SGCZ: variants seen among roughly 807,000 people sequenced by gnomAD.
SGCZ encodes sarcoglycan zeta.
In SGCZ, 40 loss-of-function variants were observed where a neutral mutation model predicts 41.3. The observed-to-expected ratio is 0.97, with a 90% CI of 0.75 to 1.26. The LOEUF is 1.26. Ranked by LOEUF, SGCZ falls within the 50% of genes most tolerant of loss-of-function variation. SGCZ has a pLI of 0.00. For synonymous variants in SGCZ, 206 were observed against 137.5 expected (o/e 1.50, Z -3.49); for missense variants, 552 against 369.8 (o/e 1.49, Z -4.04).
At chr8:15,031,805 A>T (rs1255266904) in intron 1 of SGCZ, among the ~76,000 whole-genome samples, 1 of 152,166 alleles carries the variant, frequency 6.6e-6, no homozygotes, top group Admixed American at 6.5e-5. Context: ...ACATGAGGAC[A>T]TAGCAGCTTC....
intron 1 of SGCZ, among the ~76,000 whole-genome samples, chr8:14,688,600 T>C (rs895133611): frequency 1.3e-5 from 2 of 152,188 alleles, no homozygotes; most frequent in African/African-American, 4.8e-5. Context: ...TACTGTAGCC[T>C]TGTAGTATAG....
intron 1 of SGCZ, among the ~76,000 whole-genome samples, chr8:14,915,678 A>T (rs1564448): frequency 0.32 from 48,921 of 152,006 alleles, 8,918 homozygotes; most frequent in South Asian, 0.41. Context: ...TGATCAAACC[A>T]ATCTGTGTTC....
At chr8:14,469,389 T>C (rs545677373) in intron 2 of SGCZ, among the ~76,000 whole-genome samples, 1 of 152,056 alleles carries the variant, frequency 6.6e-6, no homozygotes, top group African/African-American at 2.4e-5. Context: ...TCAAATCCAA[T>C]CCCTCTCACA....
In SGCZ at chr8:14,102,449, T is replaced by C. The variant is rs1802060780; in HGVS notation, c.671A>G (p.Gln224Arg). 1.3e-6 allele frequency: 2 copies of C among 1,522,802 alleles called. No homozygotes were observed. Among genetic ancestry groups the C allele is most frequent in the Admixed American group, 1.8e-5 (1 of 56,444 alleles). The allele number at this position is 1,522,802 out of a possible 1,614,324, so 94.3% of individuals were successfully genotyped here. A position where few individuals can be genotyped will look rare whatever the true frequency, so the allele number is the denominator to read the frequency against. The stretch of plus-strand genomic sequence containing the variant: ...GAAGTCTCCTGCAGCAGCACTCACC[T>C]GGACCCCACGGGGAGCTTCCATGAT... ...SLIMEAPRGVQVSAAAGDFKA... is the reference protein window; with the variant it reads ...SLIMEAPRGVRVSAAAGDFKA... The change falls in exon 7 of 8, where the codon CAG becomes CGG. Residue 224 changes from glutamine to arginine, a missense_variant. Gln to Arg is a conservative substitution (Grantham distance 43). Coordinates refer to ENST00000382080, the MANE Select transcript of SGCZ (RefSeq NM_139167.4).
chr8:15,114,806 T>C (rs1017685122), intron 1 of SGCZ, among the ~76,000 whole-genome samples: 32 of 151,528 alleles, frequency 2.1e-4, no homozygotes, highest in African/African-American at 7.0e-4. Flanking sequence ...TGTATGCAAA[T>C]ACTAAACAGA....
At chr8:15,077,879 A>G (rs1490742143) in intron 1 of SGCZ, among the ~76,000 whole-genome samples, 1 of 152,194 alleles carries the variant, frequency 6.6e-6, no homozygotes, top group Non-Finnish European at 1.5e-5. Context: ...GAGGCAGACA[A>G]ATGCCTAGGC....
chr8:14,259,722 T>TCC (rs1799587043), intron 3 of SGCZ, among the ~76,000 whole-genome samples: 2 of 149,346 alleles, frequency 1.3e-5, no homozygotes, highest in African/African-American at 4.9e-5. Context: ...AGCCTTGTAG[T>TCC]ATAGTTTGAA....
intron 1 of SGCZ, among the ~76,000 whole-genome samples, chr8:14,629,791 A>G (rs1276492195): frequency 6.6e-6 from 1 of 152,128 alleles, no homozygotes; most frequent in Non-Finnish European, 1.5e-5. Context: ...CATGTTAACT[A>G]TTAATATGTA....
chr8:14,473,655 C>G (rs999373615), intron 2 of SGCZ, among the ~76,000 whole-genome samples: 2 of 151,820 alleles, frequency 1.3e-5, no homozygotes, highest in Non-Finnish European at 1.5e-5. Context: ...AATGAAAAAG[C>G]GGCCGGGCGA....
chr8:14,309,401 C>T, intron 3 of SGCZ: 3 of 1,606,104 alleles, frequency 1.9e-6, no homozygotes, highest in African/African-American at 1.3e-5. Context: ...TGACCTCGAT[C>T]GCTTTTGGCT....
chr8:15,072,890 C>A lies in SGCZ; in HGVS notation c.39+164695G>T, dbSNP rs1805405219. Among the ~76,000 whole-genome samples the A allele has an allele frequency of 3.3e-5, 5 of 152,146 alleles. No individual in the cohort carries two copies. The South Asian group carries it at 1.0e-3, about 32-fold the overall frequency. Reference sequence around the variant, plus strand: ...CATACGACTCTTAGAAGGATGTTCTCTCTAGGGTCCAGAAAGAGTCTTACA... The same window carrying A: ...CATACGACTCTTAGAAGGATGTTCTATCTAGGGTCCAGAAAGAGTCTTACA... On this transcript the variant is annotated intron_variant, in intron 1 of 7. Transcript: ENST00000382080.
intron 3 of SGCZ, among the ~76,000 whole-genome samples, chr8:14,314,974 A>T (rs766006335): frequency 6.6e-6 from 1 of 152,198 alleles, no homozygotes; most frequent in Non-Finnish European, 1.5e-5. Context: ...AATTGCAAAC[A>T]TTCAAGTCCC....
intron 2 of SGCZ, among the ~76,000 whole-genome samples, chr8:14,343,369 A>G (rs979605486): frequency 3.0e-4 from 46 of 152,182 alleles, no homozygotes; most frequent in African/African-American, 1.1e-3. Flanking sequence ...TGGAAAAGCC[A>G]CAGACACTCA....
chr8:14,621,740 TG>T (rs1806293364), intron 1 of SGCZ, among the ~76,000 whole-genome samples: 1 of 152,020 alleles, frequency 6.6e-6, no homozygotes, highest in Non-Finnish European at 1.5e-5. Flanking sequence ...GAAGACAGCA[TG>T]GGGGAAACCC....
At chr8:14,437,070 G>C (rs940629625) in intron 2 of SGCZ, among the ~76,000 whole-genome samples, 8 of 152,078 alleles carry the variant, frequency 5.3e-5, no homozygotes, top group African/African-American at 1.4e-4. Context: ...GAGACTTTTG[G>C]TGATATTAGC....
chr8:14,505,179 AT>A lies in SGCZ; in HGVS notation c.234+49552del, dbSNP rs964909503. Among the ~76,000 whole-genome samples, 54 of 151,718 alleles carry A rather than the reference AT, an allele frequency of 3.6e-4. 1 individual carries two copies. The East Asian group carries it at 7.8e-3, about 22-fold the overall frequency. On this transcript the variant is annotated intron_variant, in intron 2 of 7. Coordinates refer to ENST00000382080, the MANE Select transcript of SGCZ (RefSeq NM_139167.4). ...CCCAAAAATTATATATATAGAAAAT[AT>A]TTTTTTTCACTGAGTTATTAAAGGT...
At chr8:14,941,820 T>G (rs1800283850) in intron 1 of SGCZ, among the ~76,000 whole-genome samples, 1 of 151,646 alleles carries the variant, frequency 6.6e-6, no homozygotes, top group Admixed American at 6.6e-5. Flanking sequence ...TAATATATGT[T>G]ACATATATTG....
In SGCZ at chr8:14,620,631, T is replaced by C. The variant is rs551855804; in HGVS notation, c.40-65705A>G. Among the ~76,000 whole-genome samples, 29 of 152,176 alleles carry C rather than the reference T, an allele frequency of 1.9e-4. No homozygotes were observed. In the South Asian group the frequency reaches 5.6e-3, roughly 29 times the overall value. ...ACCCCATCAACAAGTGGGCAAAGGATACGAACAGACACTTCTCAAAAGAAG... is the reference window on the plus strand; with the variant it reads ...ACCCCATCAACAAGTGGGCAAAGGACACGAACAGACACTTCTCAAAAGAAG... On this transcript the variant is annotated intron_variant, in intron 1 of 7. Coordinates refer to ENST00000382080, the MANE Select transcript of SGCZ (RefSeq NM_139167.4).
chr8:14,140,090 G>C (rs970725141), intron 5 of SGCZ, among the ~76,000 whole-genome samples: 1 of 152,144 alleles, frequency 6.6e-6, no homozygotes, highest in African/African-American at 2.4e-5. Context: ...TGTTTCAATA[G>C]ATGCAGAAAA....
Sources: allele counts gnomAD v4.1 joint callset (sites outside exome capture counted in the v4.1 genomes callset), GRCh38; gene constraint gnomAD v4.1.1; transcripts MANE v1.5; gene names NCBI Gene and HGNC (gene_info 2026-07-23, HGNC 2026-07-21).